VMP1: variants seen among roughly 807,000 people sequenced by gnomAD.
The protein encoded by VMP1 is ectopic P-granules autophagy protein 3 homolog.
Under a neutral mutation model 56.0 loss-of-function variants are expected in VMP1, and 11 were observed. The ratio of observed to expected loss-of-function variants is 0.20; its 90% CI spans 0.12 to 0.32. The LOEUF (loss-of-function observed/expected upper bound fraction) is 0.32. Among genes scored for constraint, VMP1 ranks in the 10% least tolerant of loss-of-function variants. The pLI is 1.00. For synonymous variants in VMP1, 149 were observed against 165.0 expected (o/e 0.90, Z 0.74); for missense variants, 296 against 490.3 (o/e 0.60, Z 3.74).
At chr17:59,780,807 C>T (rs941151967) in intron 7 of VMP1, among the ~76,000 whole-genome samples, 6 of 152,038 alleles carry the variant, frequency 3.9e-5, no homozygotes, top group Non-Finnish European at 7.4e-5. Flanking sequence ...AGGCTGGTCT[C>T]GAACTACTGA....
chr17:59,721,842 C>T (rs918842430), intron 1 of VMP1, among the ~76,000 whole-genome samples: 8 of 152,284 alleles, frequency 5.3e-5, no homozygotes, highest in Admixed American at 5.2e-4. Flanking sequence ...CAAAACATGG[C>T]AAAACCCCAT....
Position 59,841,921 on chromosome 17 carries a change from G to A in VMP1, c.*2010G>A, listed in dbSNP as rs1390683088. ...CCTAGGTTGAAGGTCTAATTGATAC[G>A]TTTGACTTATGATGACCATTTATGC... On this transcript the variant is annotated 3_prime_UTR_variant, in exon 12 of 12. Coordinates refer to ENST00000262291, the MANE Select transcript of VMP1 (RefSeq NM_030938.5). The A allele has an allele frequency of 2.0e-5, 3 of 152,138 alleles. No homozygotes were observed. Among genetic ancestry groups the A allele is most frequent in the Admixed American group, 6.6e-5 (1 of 15,260 alleles). 9.4% of individuals were successfully genotyped at this position (152,138 alleles called of 1,614,324 possible).
At chr17:59,837,742 T>G (rs2039026001) in intron 10 of VMP1, 1 of 152,206 alleles carries the variant, frequency 6.6e-6, no homozygotes, top group Non-Finnish European at 1.5e-5. Flanking sequence ...ACGCACAGAT[T>G]GTCCTAATAA....
intron 7 of VMP1, among the ~76,000 whole-genome samples, chr17:59,776,572 A>G (rs1418635050): frequency 1.3e-5 from 2 of 152,222 alleles, no homozygotes; most frequent in East Asian, 3.8e-4. Flanking sequence ...TTTATAGAAA[A>G]CAGTAGATTT....
chr17:59,709,312 C>T (rs2033814937), intron 1 of VMP1, among the ~76,000 whole-genome samples: 1 of 152,116 alleles, frequency 6.6e-6, no homozygotes, highest in Non-Finnish European at 1.5e-5. Context: ...CTCACTTTTC[C>T]AACTTCTCGC....
intron 1 of VMP1, among the ~76,000 whole-genome samples, chr17:59,726,232 T>G (rs1035239149): frequency 6.6e-6 from 1 of 152,012 alleles, no homozygotes; most frequent in African/African-American, 2.4e-5. Flanking sequence ...CTTCAAAATA[T>G]TTTTTAAAAG....
At chr17:59,833,984 G>A (rs2038896535) in intron 10 of VMP1, 2 of 151,922 alleles carry the variant, frequency 1.3e-5, no homozygotes, top group African/African-American at 4.8e-5. Flanking sequence ...GTTTTGTTTT[G>A]AGACGGAGTT....
At chr17:59,750,864 G>T (rs1429427764) in intron 5 of VMP1, among the ~76,000 whole-genome samples, 2 of 147,668 alleles carry the variant, frequency 1.4e-5, no homozygotes, top group African/African-American at 5.0e-5. Flanking sequence ...CCTTATTTGA[G>T]TTTGTATGTA....
intron 1 of VMP1, among the ~76,000 whole-genome samples, chr17:59,708,398 T>C (rs1390943978): frequency 6.6e-6 from 1 of 152,218 alleles, no homozygotes; most frequent in Non-Finnish European, 1.5e-5. Flanking sequence ...AACGTGAAGG[T>C]CGACTTAATC....
At chr17:59,778,465 C>T (rs1007318880) in intron 7 of VMP1, among the ~76,000 whole-genome samples, 2 of 151,426 alleles carry the variant, frequency 1.3e-5, no homozygotes, top group African/African-American at 4.9e-5. Flanking sequence ...ATGGTGTGAA[C>T]CTGGGAGGTG....
chr17:59,718,593 T>A (rs115152019), intron 1 of VMP1, among the ~76,000 whole-genome samples: 2,658 of 152,184 alleles, frequency 0.017, 72 homozygotes, highest in African/African-American at 0.06. Flanking sequence ...AACCTCAAGC[T>A]CCTGGACTCA....
At chr17:59,717,745 C>T (rs2034222382) in intron 1 of VMP1, among the ~76,000 whole-genome samples, 1 of 152,102 alleles carries the variant, frequency 6.6e-6, no homozygotes, top group Non-Finnish European at 1.5e-5. Context: ...CATGGAGAAA[C>T]CTTGTCTCCA....
In VMP1 at chr17:59,759,899, T is replaced by C. The variant is rs2035979271; in HGVS notation, c.415-5072T>C. On this transcript the variant is annotated intron_variant, in intron 5 of 11. Transcript: ENST00000262291. ...TTTTGTTTTGTTTTGTTTTGTTTTT[T>C]GGTGTTTTTTTTTTTTTTTTTTTTG... Among the ~76,000 whole-genome samples the C allele has an allele frequency of 3.2e-5, 3 of 95,212 alleles. No individual in the cohort carries two copies. The South Asian group carries it at 1.4e-3, about 43-fold the overall frequency. 62.5% of individuals were successfully genotyped at this position (95,212 alleles called of 152,430 possible).
intron 5 of VMP1, among the ~76,000 whole-genome samples, chr17:59,743,246 C>T (rs2035295649): frequency 6.6e-6 from 1 of 152,148 alleles, no homozygotes; most frequent in African/African-American, 2.4e-5. Flanking sequence ...TGTGCTTCAC[C>T]TGTTTTTTCC....
At chr17:59,797,803 C>A (rs1052832267) in intron 7 of VMP1, among the ~76,000 whole-genome samples, 1 of 152,162 alleles carries the variant, frequency 6.6e-6, no homozygotes, top group African/African-American at 2.4e-5. Flanking sequence ...CACTTGAACC[C>A]GGGAGTAGGA....
intron 7 of VMP1, among the ~76,000 whole-genome samples, chr17:59,774,412 TA>T (rs66716062): frequency 0.44 from 62,533 of 141,598 alleles, 14,709 homozygotes; most frequent in Non-Finnish European, 0.56. Flanking sequence ...GCCCTCTCTC[TA>T]AAAAAAAAAA....
intron 6 of VMP1, among the ~76,000 whole-genome samples, chr17:59,769,430 C>T (rs186891857): frequency 6.6e-6 from 1 of 152,198 alleles, no homozygotes; most frequent in African/African-American, 2.4e-5. Flanking sequence ...TATAAAAGCA[C>T]CTTGCTGCAG....
chr17:59,739,745 A>G (rs1200149064), intron 5 of VMP1, among the ~76,000 whole-genome samples: 1 of 125,680 alleles, frequency 8.0e-6, no homozygotes, highest in Non-Finnish European at 1.7e-5. Context: ...AAAAAAAAAA[A>G]GTGCCCCTTC....
intron 7 of VMP1, among the ~76,000 whole-genome samples, chr17:59,793,138 A>G (rs986165603): frequency 2.7e-5 from 3 of 110,150 alleles, no homozygotes; most frequent in African/African-American, 8.0e-5. Context: ...TCGGCCTTCC[A>G]ACGTGCTAGG....
Sources: allele counts gnomAD v4.1 joint callset (sites outside exome capture counted in the v4.1 genomes callset), GRCh38; gene constraint gnomAD v4.1.1; transcripts MANE v1.5; gene names NCBI Gene and HGNC (gene_info 2026-07-23, HGNC 2026-07-21).